Variants in ALS2 observed in about 807,000 individuals in gnomAD.
ALS2 encodes the protein alsin.
In ALS2, 117 loss-of-function variants were observed where a neutral mutation model predicts 203.4. That is an observed-to-expected ratio of 0.58 (90% CI 0.50 to 0.67). The LOEUF (loss-of-function observed/expected upper bound fraction) is 0.67, where lower values mean the gene tolerates loss of function less well. Among genes scored for constraint, ALS2 ranks in the 30% least tolerant of loss-of-function variants. The probability of loss-of-function intolerance (pLI) is 0.00; values close to 1 mark genes in which losing one functional copy is unlikely to be tolerated. For missense variants in ALS2, 1,715 were observed against 1,989.4 expected, an observed-to-expected ratio of 0.86 and a Z score of 2.62; for synonymous variants, 718 against 725.9, an observed-to-expected ratio of 0.99 and a Z score of 0.17.
At chr2:201,741,581 T>G (rs765660137) in intron 11 of ALS2, 93 bp downstream of exon 11, 1 of 1,288,044 alleles carries the variant, frequency 7.8e-7, no homozygotes, top group African/African-American at 1.5e-5. Context: ...CTTATATCAC[T>G]CTCCCTAATC....
chr2:201,712,483 A>G (rs1431942209), intron 25 of ALS2, among the ~76,000 whole-genome samples: 1 of 152,228 alleles, frequency 6.6e-6, no homozygotes, highest in Non-Finnish European at 1.5e-5. Context: ...AGCAACTGAC[A>G]TGTGGAAATG....
At chr2:201,704,823 G>A (rs1689604067) in intron 31 of ALS2, among the ~76,000 whole-genome samples, 1 of 152,078 alleles carries the variant, frequency 6.6e-6, no homozygotes, top group South Asian at 2.1e-4. Flanking sequence ...TTTTACCCAC[G>A]TGAAATCTCA....
At position 201,741,638 on chromosome 2, in the gene ALS2, G is replaced by A. The variant is rs1399317271; in HGVS notation, c.2351+36C>T. On this transcript the variant is annotated intron_variant, in intron 11 of 33. Transcript: ENST00000264276. ...CTGTTCTCCTTGGCAGAATAACCCT[G>A]CAGAGATTGAACATGACACGGGACT... The A allele has an allele frequency of 1.9e-6, 3 of 1,598,870 alleles. No homozygotes were observed. In the African/African-American group the frequency reaches 4.0e-5, roughly 21 times the overall value.
At chr2:201,728,787 T>C (rs887973419) in intron 14 of ALS2, 147 bp from the exon 15 acceptor site, 1 of 1,079,034 alleles carries the variant, frequency 9.3e-7, no homozygotes, top group Non-Finnish European at 1.3e-6. Flanking sequence ...ATATGGGATC[T>C]AAACACTTCA....
chr2:201,725,172 G>A (rs970204105), intron 20 of ALS2, among the ~76,000 whole-genome samples, 184 bp downstream of exon 20: 5 of 151,476 alleles, frequency 3.3e-5, no homozygotes, highest in Admixed American at 1.3e-4. Flanking sequence ...TTTTAATCCT[G>A]CGATAGATGA....
chr2:201,736,585 T>C (rs945842822), intron 12 of ALS2, among the ~76,000 whole-genome samples: 2 of 151,666 alleles, frequency 1.3e-5, no homozygotes, highest in South Asian at 2.1e-4. Context: ...AAAAAGAAAG[T>C]AGAAGGAAAT....
chr2:201,736,327 C>T (rs997917400), intron 12 of ALS2, among the ~76,000 whole-genome samples: 4 of 151,952 alleles, frequency 2.6e-5, no homozygotes, highest in Admixed American at 2.6e-4. Context: ...AAGGCCAAAC[C>T]CCTATATTTT....
Position 201,707,852 on chromosome 2 carries a change from C to T in ALS2, c.4403+17G>A, listed in dbSNP as rs1689819506. On this transcript the variant is annotated intron_variant, in intron 28 of 33. Transcript: ENST00000264276. ...CACCATTCCCTTTCTTCACTGTCCC[C>T]ACCCAACTCCATTTACCCTGGCTCT... 1.4e-5 allele frequency: 23 copies of T among 1,612,282 alleles called. No homozygotes were observed. The highest frequency in any genetic ancestry group is 2.0e-5 in the Non-Finnish European group (23 of 1,178,870).
In ALS2 at chr2:201,769,359, T is replaced by C. The variant is rs955557252; in HGVS notation, c.-60-414A>G. On this transcript the variant is annotated intron_variant, in intron 1 of 33. Coordinates refer to ENST00000264276, the MANE Select transcript of ALS2 (RefSeq NM_020919.4). ...TAAATACCAATTAACTCAGATTTTC[T>C]AAAATCTCTTCAGTAATGTATCTGA... is the stretch of plus-strand genomic sequence containing the variant. Among the ~76,000 whole-genome samples the C allele has an allele frequency of 5.9e-5, 9 of 152,354 alleles. No homozygotes were observed. In the East Asian group the frequency reaches 9.6e-4, roughly 16 times the overall value.
At chr2:201,737,701 C>T (rs1281453350) in intron 12 of ALS2, among the ~76,000 whole-genome samples, 1 of 152,080 alleles carries the variant, frequency 6.6e-6, no homozygotes, top group Non-Finnish European at 1.5e-5. Flanking sequence ...GTGGGTGAAT[C>T]ACTTGAGGTC....
intron 19 of ALS2, 125 bp from the exon 20 acceptor site, chr2:201,725,579 G>A: frequency 1.2e-6 from 1 of 838,084 alleles, no homozygotes; most frequent in South Asian, 1.4e-5. Context: ...AGGAGTAAAG[G>A]GTTAAAACAG....
intron 8 of ALS2, among the ~76,000 whole-genome samples, chr2:201,748,828 T>C (rs1463271562): frequency 6.6e-6 from 1 of 152,218 alleles, no homozygotes; most frequent in Admixed American, 6.5e-5. Context: ...TCTTAAATAG[T>C]GACAGATGCA....
In ALS2 at chr2:201,760,879, AC is replaced by A. The variant is rs1693722912; in HGVS notation, c.1113+1del. Reference sequence around the variant, plus strand: ...TTTTATTTTATAAAATTGAGCAGGTACCTGAGATGGCACTGGCTTTTCACCA... The same window carrying A: ...TTTTATTTTATAAAATTGAGCAGGTACTGAGATGGCACTGGCTTTTCACCA... On this transcript the variant is annotated splice_donor_variant, in intron 4 of 33. Coordinates refer to ENST00000264276, the MANE Select transcript of ALS2 (RefSeq NM_020919.4). LOFTEE classifies it high-confidence loss of function. The A allele has an allele frequency of 6.2e-7, 1 of 1,611,460 alleles. No individual in the cohort carries two copies. Among genetic ancestry groups the A allele is most frequent in the Non-Finnish European group, 8.5e-7 (1 of 1,177,974 alleles).
intron 1 of ALS2, among the ~76,000 whole-genome samples, chr2:201,771,199 A>G (rs993355904): frequency 6.6e-6 from 1 of 151,898 alleles, no homozygotes; most frequent in Admixed American, 6.6e-5. Context: ...GGCACCCGCC[A>G]TTACGCCTAG....
chr2:201,748,810 T>C (rs1364608967), intron 8 of ALS2, among the ~76,000 whole-genome samples: 1 of 152,248 alleles, frequency 6.6e-6, no homozygotes, highest in East Asian at 1.9e-4. Flanking sequence ...AAAGGCAGCA[T>C]GTAAAAATCT....
At chr2:201,734,521 G>C (rs767772674) in intron 12 of ALS2, among the ~76,000 whole-genome samples, 1 of 151,650 alleles carries the variant, frequency 6.6e-6, no homozygotes, top group African/African-American at 2.4e-5. Flanking sequence ...ATATTTGGCT[G>C]GTGCTAATGT....
chr2:201,704,663 C>A lies in ALS2; in HGVS notation c.4689-60G>T, dbSNP rs544314801. The stretch of plus-strand genomic sequence containing the variant: ...AATTTTCTTAATAAAGCCATTTGAT[C>A]GTGCTTTTTTGACAATATTCCCTCC... On this transcript the variant is annotated intron_variant, in intron 31 of 33. Transcript: ENST00000264276. The A allele has an allele frequency of 7.5e-6, 12 of 1,599,896 alleles. No homozygotes were observed. The East Asian group carries it at 1.8e-4, about 24-fold the overall frequency.
chr2:201,727,177 G>A, intron 17 of ALS2, 35 bp downstream of exon 17: 1 of 1,537,582 alleles, frequency 6.5e-7, no homozygotes, highest in Non-Finnish European at 9.0e-7. Context: ...AAGAGCCAGG[G>A]CGAAGATTGA....
intron 33 of ALS2, among the ~76,000 whole-genome samples, chr2:201,702,838 A>G (rs1208087): frequency 0.98 from 149,305 of 152,346 alleles, 73,230 homozygotes; most frequent in Middle Eastern, 1. Context: ...ATGGTAGGCC[A>G]GGTGCAGTGG....
Sources: allele counts gnomAD v4.1 joint callset (sites outside exome capture counted in the v4.1 genomes callset), GRCh38; gene constraint gnomAD v4.1.1; transcripts MANE v1.5; gene names NCBI Gene and HGNC (gene_info 2026-07-23, HGNC 2026-07-21).